The following RBM18 variants were observed in gnomAD, a reference collection of about 807,000 sequenced individuals.
RBM18 encodes probable RNA-binding protein 18.
A neutral mutation model predicts 26.4 loss-of-function variants in RBM18; 18 were observed. The ratio of observed to expected loss-of-function variants is 0.68; its 90% confidence interval spans 0.47 to 1.01. The LOEUF (loss-of-function observed/expected upper bound fraction) is 1.01, where lower values mean the gene tolerates loss of function less well. RBM18 is among the 50% of genes least tolerant of loss of function. The probability of loss-of-function intolerance (pLI) is 0.00; values close to 1 mark genes in which losing one functional copy is unlikely to be tolerated. For missense variants in RBM18, 180 were observed against 219.2 expected (o/e 0.82, Z 1.13); for synonymous variants, 74 against 81.1 (o/e 0.91, Z 0.47).
Position 122,251,920 on chromosome 9 carries a change from A to C in RBM18, c.167T>G (p.Phe56Cys). The change falls in exon 3 of 6, where the codon TTC becomes TGC. Residue 56 changes from phenylalanine (F) to cysteine (C), a missense_variant. By Grantham distance (205) the Phe-to-Cys change is radical. Coordinates refer to ENST00000417201, the MANE Select transcript of RBM18 (RefSeq NM_033117.4). ...QKFGKVKQFD[F>C]LFHKSGALEG... Reference sequence around the variant, plus strand: ...CAAAGCACCTGACTTGTGGAAGAGGAAGTCAAACTGCTTTACCTTGCCAAA... The same window carrying C: ...CAAAGCACCTGACTTGTGGAAGAGGCAGTCAAACTGCTTTACCTTGCCAAA... The C allele has an allele frequency of 6.2e-7, 1 of 1,614,164 alleles. No individual in the cohort carries two copies. Among genetic ancestry groups the C allele is most frequent in the Non-Finnish European group, 8.5e-7 (1 of 1,179,990 alleles).
At chr9:122,252,206 C>T (rs1318422770) in intron 2 of RBM18, among the ~76,000 whole-genome samples, 2 of 152,136 alleles carry the variant, frequency 1.3e-5, no homozygotes, top group South Asian at 2.1e-4. Flanking sequence ...CACAAAAATA[C>T]CAAACAAAAA....
intron 5 of RBM18, chr9:122,243,817 A>ATG (rs1831462177): frequency 1.6e-5 from 16 of 985,036 alleles, no homozygotes; most frequent in Non-Finnish European, 1.8e-5. Context: ...CAGGGAAGCA[A>ATG]CCTTCTCTCA....
rs776526394 is a variant in RBM18 at position 122,261,379 on chromosome 9, C to G, written c.113+1G>C. 1.2e-6 allele frequency: 2 copies of G among 1,604,804 alleles called. No individual in the cohort carries two copies. Among genetic ancestry groups the G allele is most frequent in the Non-Finnish European group, 1.7e-6 (2 of 1,171,474 alleles). On this transcript the variant is annotated splice_donor_variant, in intron 2 of 5. Transcript: ENST00000417201. LOFTEE classifies it high-confidence loss of function. The stretch of plus-strand genomic sequence containing the variant: ...AAAAAACTAAGGTAACTTAGACTTA[C>G]TCGGTAATTTTGGGGTCCAGGTTGC...
intron 1 of RBM18, among the ~76,000 whole-genome samples, chr9:122,262,876 T>C (rs555663164): frequency 1.1e-4 from 16 of 152,298 alleles, no homozygotes; most frequent in African/African-American, 3.8e-4. Context: ...TGAGCCACCA[T>C]GCCCAGCACA....
chr9:122,259,374 A>C lies in RBM18; in HGVS notation c.113+2006T>G, dbSNP rs147521646. ...TAGCCTGGGTTTTGGATGATGGAAA[A>C]AATTTCTTTGATGAAGAGACATTAA... On this transcript the variant is annotated intron_variant, in intron 2 of 5. Coordinates refer to ENST00000417201, the MANE Select transcript of RBM18 (RefSeq NM_033117.4). Among the ~76,000 whole-genome samples, 5 of 152,256 alleles carry C rather than the reference A, an allele frequency of 3.3e-5. No homozygotes were observed. In the East Asian group the frequency reaches 9.6e-4, roughly 29 times the overall value.
In RBM18 at chr9:122,237,899, TATC is replaced by T. The variant is rs1831354293; in HGVS notation, c.*3982_*3984del. 6.6e-6 allele frequency: 1 copy of T among 152,360 alleles called. No homozygotes were observed. Among genetic ancestry groups the T allele is most frequent in the East Asian group, 1.9e-4 (1 of 5,190 alleles). 9.4% of individuals were successfully genotyped at this position (152,360 alleles called of 1,614,324 possible). On this transcript the variant is annotated 3_prime_UTR_variant, in exon 6 of 6. Coordinates refer to ENST00000417201, the MANE Select transcript of RBM18 (RefSeq NM_033117.4). ...AACATACACTGAGATTTGAATTTCG[TATC>T]ATTTTCATGTCACAATATAGTATAT...
At chr9:122,243,468 T>C (rs1342429226) in intron 5 of RBM18, among the ~76,000 whole-genome samples, 1 of 152,210 alleles carries the variant, frequency 6.6e-6, no homozygotes, top group Non-Finnish European at 1.5e-5. Context: ...TCCTATATTG[T>C]ACAGGAAGGG....
At chr9:122,251,033 C>T (rs1284502563) in intron 3 of RBM18, among the ~76,000 whole-genome samples, 1 of 151,846 alleles carries the variant, frequency 6.6e-6, no homozygotes, top group Non-Finnish European at 1.5e-5. Flanking sequence ...AAGTGATCCT[C>T]TTGCCTCAGC....
rs1327444076 is a variant in RBM18, at chr9:122,241,476, T to C, written c.*408A>G. 1 of 154,076 alleles carries C rather than the reference T, an allele frequency of 6.5e-6. No individual in the cohort carries two copies. Among genetic ancestry groups the C allele is most frequent in the East Asian group, 1.9e-4 (1 of 5,256 alleles). 9.5% of individuals were successfully genotyped at this position (154,076 alleles called of 1,614,324 possible). The stretch of plus-strand genomic sequence containing the variant: ...ACTTCCCTCCCTGCCTTTTACTTTT[T>C]CTTTATGTTGTAAAAGACACACGAG... On this transcript the variant is annotated 3_prime_UTR_variant, in exon 6 of 6. Coordinates refer to ENST00000417201, the MANE Select transcript of RBM18 (RefSeq NM_033117.4).
At chr9:122,248,579 G>A (rs10739607) in intron 3 of RBM18, among the ~76,000 whole-genome samples, 141,013 of 152,282 alleles carry the variant, frequency 0.93, 65,615 homozygotes, top group East Asian at 1. Flanking sequence ...GGTTTTCAGA[G>A]CCGAAAGTTC....
rs1189953222 is a variant in RBM18 at position 122,237,972 on chromosome 9, A to G, written c.*3912T>C. On this transcript the variant is annotated 3_prime_UTR_variant, in exon 6 of 6. Transcript: ENST00000417201. ...TCTCAACCACTCGAAAATGAAAAAA[A>G]AATCATTCTTAACTTGTAGGCTATA... 6.6e-6 allele frequency: 1 copy of G among 152,194 alleles called. No individual in the cohort carries two copies. Among genetic ancestry groups the G allele is most frequent in the African/African-American group, 2.4e-5 (1 of 41,442 alleles). 9.4% of individuals were successfully genotyped at this position (152,194 alleles called of 1,614,324 possible). A position where few individuals can be genotyped will look rare whatever the true frequency, so the allele number is the denominator to read the frequency against.
In RBM18 at chr9:122,255,090, T is replaced by C. The variant is rs557788868; in HGVS notation, c.114-3117A>G. Among the ~76,000 whole-genome samples, 21 of 152,330 alleles carry C rather than the reference T, an allele frequency of 1.4e-4. No homozygotes were observed. In the East Asian group the frequency reaches 4.0e-3, roughly 29 times the overall value. ...CTGAGGGAATTTTAATTTCGGGTTG[T>C]AGGCAATTGGAAGCCCATGAAATGA... On this transcript the variant is annotated intron_variant, in intron 2 of 5. Coordinates refer to ENST00000417201, the MANE Select transcript of RBM18 (RefSeq NM_033117.4).
intron 2 of RBM18, among the ~76,000 whole-genome samples, chr9:122,254,934 G>A (rs1410658254): frequency 4.6e-5 from 7 of 152,172 alleles, no homozygotes; most frequent in Non-Finnish European, 1.0e-4. Flanking sequence ...TATCTGACTG[G>A]GTTGTGTCAG....
intron 3 of RBM18, among the ~76,000 whole-genome samples, chr9:122,248,979 A>G (rs556210686): frequency 6.6e-4 from 100 of 152,326 alleles, no homozygotes; most frequent in African/African-American, 2.4e-3. Flanking sequence ...CCACTACAGC[A>G]CACAAAGCTA....
intron 5 of RBM18, 35 bp downstream of exon 5, chr9:122,245,221 G>C (rs1831485583): frequency 1.6e-6 from 2 of 1,241,580 alleles, no homozygotes; most frequent in South Asian, 2.5e-5. Context: ...TGAAGCTCCT[G>C]AATTACTGTG....
chr9:122,243,511 G>T (rs181381027), intron 5 of RBM18, among the ~76,000 whole-genome samples: 1 of 152,288 alleles, frequency 6.6e-6, no homozygotes, highest in East Asian at 1.9e-4. Context: ...CGAGGAATTT[G>T]CTTTTGATTG....
intron 4 of RBM18, 48 bp from the exon 5 acceptor site, chr9:122,245,389 C>T (rs778667244): frequency 3.3e-6 from 4 of 1,213,778 alleles, no homozygotes; most frequent in Non-Finnish European, 4.9e-6. Context: ...AGAAACCAGC[C>T]CTTTACTGTA....
chr9:122,247,384 G>T, intron 4 of RBM18, 134 bp downstream of exon 4: 1 of 721,304 alleles, frequency 1.4e-6, no homozygotes, highest in Non-Finnish European at 2.4e-6. Context: ...ACACATGGTA[G>T]ATACAAGTAG....
intron 5 of RBM18, among the ~76,000 whole-genome samples, chr9:122,245,052 G>A (rs1347284122): frequency 6.6e-6 from 1 of 152,220 alleles, no homozygotes; most frequent in Non-Finnish European, 1.5e-5. Flanking sequence ...TCGAGGGAAT[G>A]ATTCTGTAAA....
Sources: allele counts gnomAD v4.1 joint callset (sites outside exome capture counted in the v4.1 genomes callset), GRCh38; gene constraint gnomAD v4.1.1; transcripts MANE v1.5; gene names NCBI Gene and HGNC (gene_info 2026-07-23, HGNC 2026-07-21).